MTMR2: variants seen among roughly 807,000 people sequenced by gnomAD.
The protein encoded by MTMR2 is phosphatidylinositol-3,5-bisphosphate 3-phosphatase MTMR2.
Under a neutral mutation model 86.9 loss-of-function variants are expected in MTMR2, and 55 were observed. The observed-to-expected ratio is 0.63, with a 90% CI of 0.51 to 0.79. The LOEUF is 0.79. Among genes scored for constraint, MTMR2 ranks in the 30% least tolerant of loss-of-function variants. The pLI is 0.00. For synonymous variants in MTMR2, 241 were observed against 266.8 expected (o/e 0.90, Z 0.94); for missense variants, 659 against 772.3 (o/e 0.85, Z 1.74).
At chr11:95,891,832 G>C (rs917293099) in intron 1 of MTMR2, among the ~76,000 whole-genome samples, 2 of 152,102 alleles carry the variant, frequency 1.3e-5, no homozygotes, top group Non-Finnish European at 1.5e-5. Flanking sequence ...CACACAGAGA[G>C]AGAGAAAGGG....
chr11:95,888,133 G>A (rs1336329020), intron 2 of MTMR2, 23 bp downstream of exon 2: 1 of 1,548,326 alleles, frequency 6.5e-7, no homozygotes, highest in East Asian at 2.3e-5. Flanking sequence ...TACTTCATCA[G>A]AACTTTAAAA....
intron 2 of MTMR2, among the ~76,000 whole-genome samples, chr11:95,883,076 C>G (rs1565371798): frequency 6.6e-6 from 1 of 151,858 alleles, no homozygotes; most frequent in Non-Finnish European, 1.5e-5. Context: ...ATATTTAATT[C>G]TGAATTGTTG....
intron 8 of MTMR2, 44 bp from the exon 9 acceptor site, chr11:95,849,906 T>C (rs758860302): frequency 1.3e-6 from 2 of 1,541,146 alleles, no homozygotes; most frequent in East Asian, 4.5e-5. Flanking sequence ...CATACTTCTC[T>C]GTTTATAATT....
intron 2 of MTMR2, among the ~76,000 whole-genome samples, chr11:95,884,431 G>A (rs533496220): frequency 6.4e-4 from 98 of 152,202 alleles, no homozygotes; most frequent in African/African-American, 2.3e-3. Flanking sequence ...AAAACTGTGG[G>A]AGGAGTCTCT....
intron 7 of MTMR2, among the ~76,000 whole-genome samples, chr11:95,852,103 T>C (rs1295767548): frequency 1.3e-5 from 2 of 152,218 alleles, no homozygotes; most frequent in African/African-American, 2.4e-5. Context: ...AAAGACAGAA[T>C]TGAAAGTGAA....
chr11:95,864,003 A>G (rs1284219273), intron 3 of MTMR2, among the ~76,000 whole-genome samples: 1 of 152,182 alleles, frequency 6.6e-6, no homozygotes, highest in Non-Finnish European at 1.5e-5. Flanking sequence ...TTCTGACTTG[A>G]GTAAATGGAC....
rs868801897 is a variant in MTMR2 at position 95,852,760 on chromosome 11, G to T, written c.655-2011C>A. 2.6e-5 allele frequency among the ~76,000 whole-genome samples: 4 copies of T among 152,212 alleles called. No individual in the cohort carries two copies. In the South Asian group the frequency reaches 8.3e-4, roughly 32 times the overall value. On this transcript the variant is annotated intron_variant, in intron 7 of 14. Coordinates refer to ENST00000346299, the MANE Select transcript of MTMR2 (RefSeq NM_016156.6). ...TTAACAAAATATTCACGTGCTGGCC[G>T]GGCACGGTGGCTCACGCCTGTAATC...
Position 95,833,273 on chromosome 11 carries a change from T to TCAA in MTMR2, c.*2014_*2016dup, listed in dbSNP as rs2135391880. 1 of 152,166 alleles carries TCAA rather than the reference T, an allele frequency of 6.6e-6. No individual in the cohort carries two copies. Among genetic ancestry groups the TCAA allele is most frequent in the South Asian group, 2.1e-4 (1 of 4,814 alleles). 9.4% of individuals were successfully genotyped at this position (152,166 alleles called of 1,614,324 possible). A position where few individuals can be genotyped will look rare whatever the true frequency, so the allele number is the denominator to read the frequency against. ...CTAGGTCGAAGGAGGCTAAGGAGCT[T>TCAA]CAACTTAATCATACTGGTCTCTAAA... On this transcript the variant is annotated 3_prime_UTR_variant, in exon 15 of 15. Coordinates refer to ENST00000346299, the MANE Select transcript of MTMR2 (RefSeq NM_016156.6).
intron 1 of MTMR2, among the ~76,000 whole-genome samples, chr11:95,916,751 C>G (rs1866727038): frequency 6.6e-6 from 1 of 151,958 alleles, no homozygotes; most frequent in African/African-American, 2.4e-5. Flanking sequence ...ACAGCATTTG[C>G]TCTTATTTAC....
intron 1 of MTMR2, among the ~76,000 whole-genome samples, chr11:95,904,252 T>A (rs572015): frequency 0.28 from 43,224 of 152,160 alleles, 7,378 homozygotes; most frequent in Non-Finnish European, 0.39. Context: ...ATTTTCCCTC[T>A]CTACTCAATC....
intron 11 of MTMR2, among the ~76,000 whole-genome samples, chr11:95,844,476 G>A (rs1359983318): frequency 6.6e-6 from 1 of 152,092 alleles, no homozygotes; most frequent in Non-Finnish European, 1.5e-5. Context: ...GTCCCAGCAG[G>A]GCCAGCTTCA....
At chr11:95,882,933 A>G (rs925096258) in intron 2 of MTMR2, among the ~76,000 whole-genome samples, 2 of 118,368 alleles carry the variant, frequency 1.7e-5, no homozygotes, top group Non-Finnish European at 1.7e-5. Context: ...ATTTTTAGAG[A>G]GACGGGGTTT....
rs1286093021 is a variant in MTMR2, at chr11:95,833,528, C to T, written c.*1762G>A. ...AGACTTCTGCAGAAGGTGAGGGGAACCACTGGAAGGTTCTCAGCAGAGAAG... is the reference window on the plus strand; with the variant it reads ...AGACTTCTGCAGAAGGTGAGGGGAATCACTGGAAGGTTCTCAGCAGAGAAG... On this transcript the variant is annotated 3_prime_UTR_variant, in exon 15 of 15. Transcript: ENST00000346299. The T allele has an allele frequency of 6.6e-6, 1 of 152,038 alleles. No individual in the cohort carries two copies. Among genetic ancestry groups the T allele is most frequent in the African/African-American group, 2.4e-5 (1 of 41,402 alleles). 9.4% of individuals were successfully genotyped at this position (152,038 alleles called of 1,614,324 possible).
chr11:95,907,661 C>T (rs1480623896), intron 1 of MTMR2, among the ~76,000 whole-genome samples: 1 of 152,120 alleles, frequency 6.6e-6, no homozygotes, highest in Non-Finnish European at 1.5e-5. Flanking sequence ...AAAGCTAATC[C>T]ACAATGATCA....
intron 2 of MTMR2, among the ~76,000 whole-genome samples, chr11:95,867,485 A>G (rs1326798838): frequency 6.6e-6 from 1 of 152,206 alleles, no homozygotes. Flanking sequence ...TCATGCAAGC[A>G]GCACACTTTG....
intron 2 of MTMR2, among the ~76,000 whole-genome samples, chr11:95,867,555 T>C (rs1188839908): frequency 2.6e-5 from 4 of 152,084 alleles, no homozygotes; most frequent in Non-Finnish European, 4.4e-5. Flanking sequence ...AGCGAGGCAA[T>C]GAAAAGAAGC....
intron 2 of MTMR2, among the ~76,000 whole-genome samples, chr11:95,873,975 T>C (rs978625180): frequency 6.6e-6 from 1 of 152,218 alleles, no homozygotes; most frequent in Admixed American, 6.5e-5. Context: ...TGTTATAATT[T>C]CTCTTGTTTT....
At chr11:95,915,004 T>C (rs1180809717) in intron 1 of MTMR2, among the ~76,000 whole-genome samples, 6 of 152,206 alleles carry the variant, frequency 3.9e-5, no homozygotes, top group Non-Finnish European at 8.8e-5. Flanking sequence ...TGTTGTGCTA[T>C]TTATATTATT....
intron 5 of MTMR2, among the ~76,000 whole-genome samples, chr11:95,860,103 A>G (rs1864353136): frequency 2.0e-5 from 3 of 152,338 alleles, no homozygotes; most frequent in East Asian, 3.9e-4. Context: ...ATCGTCTTAT[A>G]TTCTATGCAC....
Sources: gnomAD v4.1 joint callset for allele counts (sites outside exome capture counted in the v4.1 genomes callset) on GRCh38, gnomAD v4.1.1 for gene constraint, MANE v1.5 for transcripts, NCBI Gene and HGNC (gene_info 2026-07-23, HGNC 2026-07-21) for gene names.